The following CSMD1 variants were observed in gnomAD, a reference collection of about 807,000 sequenced individuals.
CSMD1 encodes the protein CUB and sushi domain-containing protein 1.
A neutral mutation model predicts 417.5 loss-of-function variants in CSMD1; 213 were observed. That is an observed-to-expected ratio of 0.51 (90% confidence interval 0.46 to 0.57). The LOEUF is 0.57. Among genes scored for constraint, CSMD1 ranks in the 20% least tolerant of loss-of-function variants. CSMD1 has a pLI of 0.00. For missense variants in CSMD1, 6,923 were observed against 4,529.7 expected (o/e 1.53, Z -15.17); for synonymous variants, 2,862 against 1,736.8 (o/e 1.65, Z -16.11).
At chr8:4,428,329 C>T (rs753780516) in intron 2 of CSMD1, among the ~76,000 whole-genome samples, 8 of 152,182 alleles carry the variant, frequency 5.3e-5, no homozygotes, top group African/African-American at 1.9e-4. Context: ...CAACACCTTT[C>T]TCTATCATCT....
intron 26 of CSMD1, among the ~76,000 whole-genome samples, chr8:3,268,905 A>T (rs930537371): frequency 2.0e-5 from 3 of 152,186 alleles, no homozygotes; most frequent in African/African-American, 7.2e-5. Context: ...AAAGGTGGCC[A>T]TAAGTGATAT....
intron 3 of CSMD1, among the ~76,000 whole-genome samples, chr8:4,395,833 C>A (rs751121710): frequency 6.6e-6 from 1 of 152,098 alleles, no homozygotes; most frequent in Admixed American, 6.6e-5. Context: ...TACACATTAA[C>A]TTAGAAAATG....
chr8:3,112,801 A>G (rs1173351664), intron 42 of CSMD1, among the ~76,000 whole-genome samples: 2 of 152,216 alleles, frequency 1.3e-5, no homozygotes, highest in African/African-American at 4.8e-5. Flanking sequence ...TCATCATCAC[A>G]TAAGATAACA....
At chr8:4,222,789 G>C (rs1044376080) in intron 3 of CSMD1, among the ~76,000 whole-genome samples, 6 of 152,122 alleles carry the variant, frequency 3.9e-5, no homozygotes, top group African/African-American at 1.4e-4. Flanking sequence ...TCATCATTAA[G>C]GGCTGGTTGA....
At chr8:3,863,839 A>C (rs1234874723) in intron 5 of CSMD1, among the ~76,000 whole-genome samples, 1 of 152,232 alleles carries the variant, frequency 6.6e-6, no homozygotes, top group Non-Finnish European at 1.5e-5. Context: ...AATCAGAAAA[A>C]ACAGAGTTTA....
intron 5 of CSMD1, among the ~76,000 whole-genome samples, chr8:3,816,675 G>C (rs551326211): frequency 1.3e-5 from 2 of 152,144 alleles, no homozygotes; most frequent in South Asian, 2.1e-4. Flanking sequence ...ATTTAAGATG[G>C]ATATCTCAAT....
intron 6 of CSMD1, among the ~76,000 whole-genome samples, chr8:3,745,500 A>G (rs1797024124): frequency 6.6e-6 from 1 of 152,248 alleles, no homozygotes; most frequent in Non-Finnish European, 1.5e-5. Flanking sequence ...CTGCACGTGT[A>G]CAACAGGAAA....
intron 3 of CSMD1, among the ~76,000 whole-genome samples, chr8:4,187,624 C>T (rs987076190): frequency 3.9e-5 from 5 of 127,112 alleles, no homozygotes; most frequent in East Asian, 2.5e-4. Context: ...TGCAGTGAGC[C>T]GAGATTGCAT....
At position 4,975,216 on chromosome 8, in the gene CSMD1, A is replaced by G. The variant is rs1349506104; in HGVS notation, c.85+19116T>C. Among the ~76,000 whole-genome samples the G allele has an allele frequency of 2.0e-5, 3 of 152,208 alleles. 1 individual carries two copies. Among genetic ancestry groups the G allele is most frequent in the Admixed American group, 2.0e-4 (3 of 15,276 alleles). On this transcript the variant is annotated intron_variant, in intron 1 of 69. Coordinates refer to ENST00000635120, the MANE Select transcript of CSMD1 (RefSeq NM_033225.6). Reference sequence around the variant, plus strand: ...CACGGTGACTTTTCTTTCCAAAGTTATGAAAATATCAGAAAAAAAGTCTCC... The same window carrying G: ...CACGGTGACTTTTCTTTCCAAAGTTGTGAAAATATCAGAAAAAAAGTCTCC...
At chr8:2,949,161 C>T in intron 68 of CSMD1, 138 bp downstream of exon 68, 3 of 555,674 alleles carry the variant, frequency 5.4e-6, no homozygotes, top group East Asian at 3.2e-5. Flanking sequence ...TTTTTTCATT[C>T]AGCTGTAAAA....
intron 3 of CSMD1, among the ~76,000 whole-genome samples, chr8:4,342,603 A>G (rs1800544112): frequency 6.6e-6 from 1 of 152,036 alleles, no homozygotes; most frequent in African/African-American, 2.4e-5. Context: ...GGGAAAAAAA[A>G]GATGGTAATA....
At chr8:4,459,541 C>A (rs1799682426) in intron 2 of CSMD1, among the ~76,000 whole-genome samples, 1 of 152,160 alleles carries the variant, frequency 6.6e-6, no homozygotes. Context: ...TTAGAGGAGC[C>A]TGGTGCTTTC....
In CSMD1 at chr8:3,713,013, A is replaced by G. The variant is rs78667845; in HGVS notation, c.932-4522T>C. 8.1e-3 allele frequency among the ~76,000 whole-genome samples: 1,226 copies of G among 152,294 alleles called. 9 individuals are homozygous for G. The highest frequency in any genetic ancestry group is 0.013 in the Non-Finnish European group (858 of 68,020). On this transcript the variant is annotated intron_variant, in intron 6 of 69. Coordinates refer to ENST00000635120, the MANE Select transcript of CSMD1 (RefSeq NM_033225.6). ...ACTTTAGGTTTTCTCATCGCAAACC[A>G]AGAAGTATGTGAGGTTAAAAAAAAA...
chr8:2,941,422 T>C (rs1801865964), intron 69 of CSMD1, among the ~76,000 whole-genome samples: 1 of 152,254 alleles, frequency 6.6e-6, no homozygotes, highest in African/African-American at 2.4e-5. Flanking sequence ...ACCTATCTAA[T>C]TTTATTTCAG....
intron 5 of CSMD1, among the ~76,000 whole-genome samples, chr8:3,811,352 A>C (rs545808229): frequency 5.0e-4 from 76 of 152,308 alleles, no homozygotes; most frequent in Middle Eastern, 3.4e-3. Flanking sequence ...TTATGGTTTT[A>C]AACTTCAGCC....
chr8:4,494,092 C>T (rs1801861095), intron 2 of CSMD1, among the ~76,000 whole-genome samples: 1 of 151,958 alleles, frequency 6.6e-6, no homozygotes, highest in Non-Finnish European at 1.5e-5. Flanking sequence ...ACAAGGCTTC[C>T]AAAGGGAGGT....
At chr8:4,146,919 C>A (rs918055863) in intron 3 of CSMD1, among the ~76,000 whole-genome samples, 6 of 151,912 alleles carry the variant, frequency 3.9e-5, no homozygotes, top group African/African-American at 9.7e-5. Context: ...GCCAGACACA[C>A]TGAACTTTAA....
At chr8:4,516,730 A>G (rs993434589) in intron 2 of CSMD1, among the ~76,000 whole-genome samples, 2 of 152,120 alleles carry the variant, frequency 1.3e-5, no homozygotes, top group African/African-American at 2.4e-5. Context: ...TTGCAAATCA[A>G]TGTCTTACTA....
chr8:4,019,663 T>C (rs1043584518), intron 4 of CSMD1, among the ~76,000 whole-genome samples: 6 of 152,202 alleles, frequency 3.9e-5, no homozygotes, highest in African/African-American at 1.2e-4. Context: ...GAACTTAAAG[T>C]GGCAGTTGTC....
Sources: gnomAD v4.1 joint callset for allele counts (sites outside exome capture counted in the v4.1 genomes callset) on GRCh38, gnomAD v4.1.1 for gene constraint, MANE v1.5 for transcripts, NCBI Gene and HGNC (gene_info 2026-07-23, HGNC 2026-07-21) for gene names.